Variants in MALRD1 observed in about 807,000 individuals in gnomAD.
MALRD1 encodes MAM and LDL receptor class A domain containing 1, also known as MAM and LDL-receptor class A domain-containing protein 1.
A neutral mutation model predicts 242.1 loss-of-function variants in MALRD1; 247 were observed. The ratio of observed to expected loss-of-function variants is 1.02; its 90% CI spans 0.92 to 1.13. The LOEUF (loss-of-function observed/expected upper bound fraction) is 1.13. Among genes scored for constraint, MALRD1 ranks in the 50% most tolerant of loss-of-function variants. The pLI, the probability that MALRD1 is intolerant of heterozygous loss-of-function variation, is 0.00. For missense variants in MALRD1, 2,989 were observed against 2,533.1 expected (o/e 1.18, Z -3.86); for synonymous variants, 995 against 866.6 (o/e 1.15, Z -2.60).
intron 33 of MALRD1, among the ~76,000 whole-genome samples, chr10:19,583,929 A>C (rs1837258764): frequency 6.6e-6 from 1 of 152,120 alleles, no homozygotes; most frequent in Non-Finnish European, 1.5e-5. Flanking sequence ...TCAGAGATTC[A>C]ACTTCTTCCT....
chr10:19,585,816 A>G (rs1300615017), intron 33 of MALRD1, among the ~76,000 whole-genome samples: 1 of 152,100 alleles, frequency 6.6e-6, no homozygotes, highest in Non-Finnish European at 1.5e-5. Context: ...TATCCTGCAG[A>G]GTGTTTTCCA....
At chr10:19,611,551 T>C (rs1207363776) in intron 35 of MALRD1, among the ~76,000 whole-genome samples, 1 of 151,884 alleles carries the variant, frequency 6.6e-6, no homozygotes, top group African/African-American at 2.4e-5. Flanking sequence ...CACAAAGGGG[T>C]ACAAACCAGA....
In MALRD1 at chr10:19,530,881, A is replaced by G. The variant is rs1228945679; in HGVS notation, c.5321-313A>G. ...TTGCTGTATGCACAGCATACAAAGT[A>G]TTTTATTGCTGGAATCTGACAGGTT... On this transcript the variant is annotated intron_variant, in intron 31 of 39. Transcript: ENST00000454679. 2.6e-5 allele frequency among the ~76,000 whole-genome samples: 4 copies of G among 152,260 alleles called. No homozygotes were observed. The East Asian group carries it at 7.7e-4, about 29-fold the overall frequency.
At position 19,347,857 on chromosome 10, in the gene MALRD1, G is replaced by T; in HGVS notation, c.3988G>T (p.Ala1330Ser). Residue 1330 changes from alanine to serine, a missense_variant, in exon 25 of 40, where the codon GCT (alanine) becomes TCT (serine). Physicochemically the swap from Ala to Ser is moderately conservative, Grantham distance 99. Coordinates refer to ENST00000454679, the MANE Select transcript of MALRD1 (RefSeq NM_001142308.3). Reference protein sequence around the residue: ...KDEDFDWNLKASSIPAAGTEP... With the variant: ...KDEDFDWNLKSSSIPAAGTEP... Reference sequence around the variant, plus strand: ...TGAGGACTTTGACTGGAACCTGAAAGCTAGCAGCATCCCTGCAGCAGGCAC... The same window carrying T: ...TGAGGACTTTGACTGGAACCTGAAATCTAGCAGCATCCCTGCAGCAGGCAC... 1 of 1,550,388 alleles carries T rather than the reference G, an allele frequency of 6.4e-7. No individual in the cohort carries two copies. Among genetic ancestry groups the T allele is most frequent in the Non-Finnish European group, 8.7e-7 (1 of 1,146,844 alleles).
At chr10:19,105,231 T>C (rs1021097699) in intron 5 of MALRD1, among the ~76,000 whole-genome samples, 5 of 152,020 alleles carry the variant, frequency 3.3e-5, no homozygotes, top group African/African-American at 1.2e-4. Flanking sequence ...AGATAGGCTT[T>C]TGAAAATTTT....
At chr10:19,581,677 C>T (rs1837133783) in intron 33 of MALRD1, among the ~76,000 whole-genome samples, 1 of 149,536 alleles carries the variant, frequency 6.7e-6, no homozygotes, top group Non-Finnish European at 1.5e-5. Context: ...CCGCAGTAAA[C>T]ATACGTGTGC....
chr10:19,145,008 C>T (rs1374514931), intron 10 of MALRD1, among the ~76,000 whole-genome samples: 1 of 151,900 alleles, frequency 6.6e-6, no homozygotes, highest in African/African-American at 2.4e-5. Flanking sequence ...TGAAAACTGC[C>T]TCAGCATAAA....
chr10:19,134,111 TC>T (rs1833229089), intron 9 of MALRD1, among the ~76,000 whole-genome samples, 163 bp downstream of exon 9: 1 of 152,194 alleles, frequency 6.6e-6, no homozygotes, highest in Admixed American at 6.5e-5. Flanking sequence ...TTGTACCTTT[TC>T]CTTCTGAGAC....
At chr10:19,656,165 A>T (rs1841144500) in intron 36 of MALRD1, among the ~76,000 whole-genome samples, 1 of 152,146 alleles carries the variant, frequency 6.6e-6, no homozygotes, top group Non-Finnish European at 1.5e-5. Flanking sequence ...ATTTTTCAGA[A>T]CTTATCAAAA....
chr10:19,519,751 T>C (rs1833794693), intron 31 of MALRD1, among the ~76,000 whole-genome samples: 1 of 152,178 alleles, frequency 6.6e-6, no homozygotes, highest in African/African-American at 2.4e-5. Flanking sequence ...GCAACAGAGC[T>C]AGGTGCCTTC....
Position 19,123,599 on chromosome 10 carries a change from T to C in MALRD1, c.796+6T>C. The stretch of plus-strand genomic sequence containing the variant: ...TACAGATGAAGAGTTGAGATGTAAG[T>C]GTTAAATTGAGATATTCACTTTTCT... On this transcript the variant is annotated splice_donor_region_variant and intron_variant, in intron 6 of 39. Transcript: ENST00000454679. The C allele has an allele frequency of 8.1e-7, 1 of 1,227,540 alleles. No individual in the cohort carries two copies. The highest frequency in any genetic ancestry group is 4.2e-5 in the Admixed American group (1 of 23,714). The allele number at this position is 1,227,540 out of a possible 1,614,324, so 76.0% of individuals were successfully genotyped here.
At chr10:19,581,162 G>A (rs1291524815) in intron 33 of MALRD1, among the ~76,000 whole-genome samples, 1 of 151,792 alleles carries the variant, frequency 6.6e-6, no homozygotes, top group Non-Finnish European at 1.5e-5. Context: ...TATAATTGCA[G>A]CTACTAAATT....
chr10:19,118,439 G>A (rs1836948893), intron 5 of MALRD1, among the ~76,000 whole-genome samples: 1 of 152,136 alleles, frequency 6.6e-6, no homozygotes, highest in Admixed American at 6.5e-5. Context: ...ACTGGAAGAG[G>A]GGGCTTCCAG....
intron 28 of MALRD1, among the ~76,000 whole-genome samples, chr10:19,445,727 C>G (rs977212968): frequency 6.6e-6 from 1 of 152,248 alleles, no homozygotes; most frequent in Non-Finnish European, 1.5e-5. Flanking sequence ...GTGTCTCCCA[C>G]TTAGGCTACT....
chr10:19,114,441 A>C (rs2131361243), intron 5 of MALRD1, among the ~76,000 whole-genome samples: 1 of 152,266 alleles, frequency 6.6e-6, no homozygotes, highest in East Asian at 1.9e-4. Context: ...GTTCGAGACC[A>C]GCCTGGCCAA....
chr10:19,483,409 A>G (rs934330268), intron 29 of MALRD1, among the ~76,000 whole-genome samples: 1 of 152,172 alleles, frequency 6.6e-6, no homozygotes, highest in African/African-American at 2.4e-5. Context: ...TGTGCATGCA[A>G]CAAAGGTCTA....
At chr10:19,061,037 A>G (rs968225630) in intron 1 of MALRD1, among the ~76,000 whole-genome samples, 2 of 152,174 alleles carry the variant, frequency 1.3e-5, no homozygotes, top group African/African-American at 4.8e-5. Flanking sequence ...CAAACACCAC[A>G]TGTTCTCACT....
At chr10:19,248,831 A>C (rs1839175082) in intron 18 of MALRD1, among the ~76,000 whole-genome samples, 2 of 150,724 alleles carry the variant, frequency 1.3e-5, no homozygotes, top group Admixed American at 1.3e-4. Context: ...ATAGATTTTA[A>C]AAAATATGTT....
chr10:19,432,651 A>G (rs574678177), intron 28 of MALRD1, among the ~76,000 whole-genome samples: 1 of 152,342 alleles, frequency 6.6e-6, no homozygotes, highest in African/African-American at 2.4e-5. Context: ...AACAAATATG[A>G]TTTTGATAAG....
Sources: allele counts gnomAD v4.1 joint callset (sites outside exome capture counted in the v4.1 genomes callset), GRCh38; gene constraint gnomAD v4.1.1; transcripts MANE v1.5; gene names NCBI Gene and HGNC (gene_info 2026-07-23, HGNC 2026-07-21).